Variants in CYP4X1 observed in about 807,000 individuals in gnomAD.
The protein encoded by CYP4X1 is cytochrome P450 family 4 subfamily X member 1, also known as cytochrome P450 4X1.
CYP4X1 carries 44 observed loss-of-function variants against 57.9 expected under a neutral mutation model. The ratio of observed to expected loss-of-function variants is 0.76; its 90% confidence interval spans 0.60 to 0.98. CYP4X1 has a LOEUF of 0.98. Ranked by LOEUF, CYP4X1 falls within the 50% of genes least tolerant of loss-of-function variation. CYP4X1 has a pLI of 0.00. For synonymous variants in CYP4X1, 227 were observed against 228.6 expected (o/e 0.99, Z 0.06); for missense variants, 532 against 623.9 (o/e 0.85, Z 1.57).
the CYP4X1 span, chr1:47,001,073 T>C: frequency 8.6e-6 from 2 of 233,500 alleles, no homozygotes; most frequent in South Asian, 7.9e-5. Context: ...TGTTTCCCGA[T>C]GCAGTTCCTG....
At chr1:47,015,309 TG>T in the CYP4X1 span, among the ~76,000 whole-genome samples, 2 of 152,186 alleles carry the variant, frequency 1.3e-5, no homozygotes, top group Non-Finnish European at 2.9e-5. Context: ...CATGTGCTAG[TG>T]GCCTTTTGCA....
the CYP4X1 span, among the ~76,000 whole-genome samples, chr1:46,980,467 G>T: frequency 1.3e-5 from 2 of 152,132 alleles, no homozygotes; most frequent in African/African-American, 4.8e-5. Context: ...ACTGCTCAAT[G>T]AAATAAAAGA....
chr1:47,055,421 A>C (rs906726486), downstream of CYP4X1, among the ~76,000 whole-genome samples: 1 of 152,164 alleles, frequency 6.6e-6, no homozygotes, highest in Non-Finnish European at 1.5e-5. Flanking sequence ...TATCAGGATG[A>C]TGCTGGCCTC....
At chr1:47,029,808 C>A (rs559233201) in intron 1 of CYP4X1, among the ~76,000 whole-genome samples, 182 bp from the exon 2 acceptor site, 52 of 152,170 alleles carry the variant, frequency 3.4e-4, no homozygotes, top group African/African-American at 1.2e-3. Context: ...AATACACTAA[C>A]TTTGTTTAGA....
At chr1:47,053,317 T>C (rs1057249656), downstream of CYP4X1, among the ~76,000 whole-genome samples, 2 of 152,008 alleles carry the variant, frequency 1.3e-5, no homozygotes, top group Non-Finnish European at 2.9e-5. Context: ...CAGTCTATCA[T>C]TGTTGGACAT....
At chr1:46,967,211 G>A in the CYP4X1 span, among the ~76,000 whole-genome samples, 2 of 152,144 alleles carry the variant, frequency 1.3e-5, no homozygotes, top group Non-Finnish European at 1.5e-5. Flanking sequence ...CTGAAAAAGT[G>A]GAAGAAAAGA....
At chr1:47,029,859 T>TA in intron 1 of CYP4X1, 131 bp from the exon 2 acceptor site, 1 of 942,808 alleles carries the variant, frequency 1.1e-6, no homozygotes, top group East Asian at 2.5e-5. Flanking sequence ...GAAAGCATGT[T>TA]ATGTCACTTC....
chr1:47,023,303 G>A (rs1330163283), upstream of CYP4X1, among the ~76,000 whole-genome samples: 1 of 152,134 alleles, frequency 6.6e-6, no homozygotes, highest in East Asian at 1.9e-4. Context: ...GGGAATCAGG[G>A]TGGGAATCAG....
chr1:47,050,860 C>T (rs1403362626), downstream of CYP4X1: 3 of 152,040 alleles, frequency 2.0e-5, no homozygotes, highest in Non-Finnish European at 4.4e-5. Context: ...TTGTCAATGG[C>T]AACAAAAGCC....
At position 47,031,537 on chromosome 1, in the gene CYP4X1, A is replaced by G. The variant is rs1644123812; in HGVS notation, c.364+57A>G. ...CTCTCATTCAAAGTCCCCTTTCCAT[A>G]GTAGAGCATGCCAAAGAAACTGAAA... On this transcript the variant is annotated intron_variant, in intron 3 of 11. Transcript: ENST00000371901. The G allele has an allele frequency of 3.8e-6, 6 of 1,577,248 alleles. No homozygotes were observed. In the East Asian group the frequency reaches 1.3e-4, roughly 35 times the overall value.
the CYP4X1 span, among the ~76,000 whole-genome samples, chr1:47,003,914 T>C: frequency 6.6e-6 from 1 of 152,318 alleles, no homozygotes; most frequent in Admixed American, 6.5e-5. Flanking sequence ...AATACAATCA[T>C]GCCTTCACAA....
In CYP4X1 at chr1:47,033,229, T is replaced by C. The variant is rs373430749; in HGVS notation, c.365-12T>C. 2.6e-4 allele frequency: 423 copies of C among 1,610,236 alleles called. No homozygotes were observed. Among genetic ancestry groups the C allele is most frequent in the Non-Finnish European group, 3.5e-4 (410 of 1,178,800 alleles). On this transcript the variant is annotated splice_polypyrimidine_tract_variant and intron_variant, in intron 3 of 11. Coordinates refer to ENST00000371901, the MANE Select transcript of CYP4X1 (RefSeq NM_178033.2). ...TAAATGGCATAAGGTTTTCTGCCTTTTATTTCTCAAGGAAAAGGACTAGCG... is the reference window on the plus strand; with the variant it reads ...TAAATGGCATAAGGTTTTCTGCCTTCTATTTCTCAAGGAAAAGGACTAGCG...
chr1:46,993,700 G>A, the CYP4X1 span, among the ~76,000 whole-genome samples: 37 of 151,944 alleles, frequency 2.4e-4, no homozygotes, highest in African/African-American at 5.1e-4. Context: ...GCATTTTTTC[G>A]TGTGTCTTTT....
At chr1:46,963,951 T>C in the CYP4X1 span, among the ~76,000 whole-genome samples, 1 of 152,230 alleles carries the variant, frequency 6.6e-6, no homozygotes, top group Non-Finnish European at 1.5e-5. Flanking sequence ...TTCTTTTTAT[T>C]CTTTTTTCTC....
At chr1:47,031,300 C>G in intron 2 of CYP4X1, 136 bp from the exon 3 acceptor site, 1 of 1,005,516 alleles carries the variant, frequency 9.9e-7, no homozygotes, top group Non-Finnish European at 1.5e-6. Flanking sequence ...CCAAAGGCAG[C>G]AGGAAGTAAG....
At chr1:46,990,943 A>G in the CYP4X1 span, among the ~76,000 whole-genome samples, 1 of 151,964 alleles carries the variant, frequency 6.6e-6, no homozygotes, top group Non-Finnish European at 1.5e-5. Context: ...AGAAATACCT[A>G]ATGTAGATGA....
rs530443675 is a variant in CYP4X1, at chr1:47,046,702, G to A, written c.1207+102G>A. 3.3e-6 allele frequency: 5 copies of A among 1,534,108 alleles called. No individual in the cohort carries two copies. The African/African-American group carries it at 5.5e-5, about 17-fold the overall frequency. ...CTCTTAGCACTTGGAGAAGTCAAAA[G>A]ATAATGCTAACATGTGACTTAGGTT... On this transcript the variant is annotated intron_variant, in intron 9 of 11. Coordinates refer to ENST00000371901, the MANE Select transcript of CYP4X1 (RefSeq NM_178033.2).
upstream of CYP4X1, among the ~76,000 whole-genome samples, chr1:47,019,662 T>C (rs1411495467): frequency 6.6e-6 from 1 of 152,212 alleles, no homozygotes; most frequent in African/African-American, 2.4e-5. Context: ...TCTCCCTAGT[T>C]CTAGTCTTAC....
chr1:47,008,092 G>A, the CYP4X1 span, among the ~76,000 whole-genome samples: 4 of 152,090 alleles, frequency 2.6e-5, no homozygotes, highest in Non-Finnish European at 5.9e-5. Context: ...GATACTCCTC[G>A]AGAAGAGCAA....
Sources: allele counts gnomAD v4.1 joint callset (sites outside exome capture counted in the v4.1 genomes callset), GRCh38; gene constraint gnomAD v4.1.1; transcripts MANE v1.5; gene names NCBI Gene and HGNC (gene_info 2026-07-23, HGNC 2026-07-21).